Variants in TEX15 observed in about 807,000 individuals in gnomAD.
The protein encoded by TEX15 is testis-expressed protein 15.
In TEX15, 171 loss-of-function variants were observed where a neutral mutation model predicts 237.3. The ratio of observed to expected loss-of-function variants is 0.72; its 90% CI spans 0.64 to 0.82. The LOEUF (loss-of-function observed/expected upper bound fraction) is 0.82, where lower values mean the gene tolerates loss of function less well. Ranked by LOEUF, TEX15 falls within the 40% of genes least tolerant of loss-of-function variation. TEX15 has a pLI of 0.00. For synonymous variants in TEX15, 1,338 were observed against 1,269.8 expected (o/e 1.05, Z -1.14); for missense variants, 3,750 against 3,646.5 (o/e 1.03, Z -0.73).
intron 1 of TEX15, among the ~76,000 whole-genome samples, chr8:30,911,366 G>C (rs940647316): frequency 6.6e-6 from 1 of 152,116 alleles, no homozygotes; most frequent in South Asian, 2.1e-4. Flanking sequence ...TGCCCAGGCT[G>C]GTTTCGAACT....
At chr8:30,853,451 A>C (rs951445691) in intron 7 of TEX15, among the ~76,000 whole-genome samples, 8 of 152,228 alleles carry the variant, frequency 5.3e-5, no homozygotes, top group African/African-American at 1.9e-4. Context: ...AAAAATTAAA[A>C]TAAAAACACA....
At chr8:30,911,897 G>A (rs796906932) in intron 1 of TEX15, among the ~76,000 whole-genome samples, 9 of 152,256 alleles carry the variant, frequency 5.9e-5, no homozygotes, top group African/African-American at 2.2e-4. Flanking sequence ...TGAGGCAGGA[G>A]TCTCTTCCTG....
chr8:30,886,499 T>C (rs949888212), intron 3 of TEX15, among the ~76,000 whole-genome samples: 25 of 152,186 alleles, frequency 1.6e-4, no homozygotes, highest in African/African-American at 6.0e-4. Context: ...AGGGTAGATA[T>C]CAACTGACAT....
At chr8:30,854,353 GGAATACTATAA>G (rs1449750302) in intron 7 of TEX15, among the ~76,000 whole-genome samples, 5 of 148,262 alleles carry the variant, frequency 3.4e-5, no homozygotes, top group Non-Finnish European at 6.0e-5. Context: ...GACTATTAAA[GGAATACTATAA>G]GCAAATGTAT....
At chr8:30,853,238 A>C (rs1049698933) in intron 7 of TEX15, among the ~76,000 whole-genome samples, 3 of 152,224 alleles carry the variant, frequency 2.0e-5, no homozygotes, top group Non-Finnish European at 4.4e-5. Flanking sequence ...ACAACTAGGT[A>C]AAATCGTCAA....
intron 1 of TEX15, among the ~76,000 whole-genome samples, chr8:30,902,720 TAC>T (rs1430330180): frequency 6.6e-6 from 1 of 152,206 alleles, no homozygotes; most frequent in Non-Finnish European, 1.5e-5. Context: ...CTTATTAAAA[TAC>T]AGATTACTGG....
At chr8:30,885,138 G>C (rs1417556261) in intron 3 of TEX15, among the ~76,000 whole-genome samples, 2 of 151,774 alleles carry the variant, frequency 1.3e-5, no homozygotes, top group Non-Finnish European at 2.9e-5. Flanking sequence ...GCTATCTTTG[G>C]GTTACTTATA....
intron 5 of TEX15, among the ~76,000 whole-genome samples, chr8:30,865,810 CAT>C (rs1271884910): frequency 6.6e-6 from 1 of 152,098 alleles, no homozygotes; most frequent in Non-Finnish European, 1.5e-5. Flanking sequence ...CAATAAAACT[CAT>C]ATATGACAAA....
At position 30,847,325 on chromosome 8, in the gene TEX15, C is replaced by T; in HGVS notation, c.2842G>A (p.Ala948Thr). The change falls in exon 8 of 11, where the codon GCC becomes ACC. Residue 948 changes from alanine to threonine, a missense_variant. Ala to Thr is a moderately conservative substitution (Grantham distance 58, BLOSUM62 0). Transcript: ENST00000643185. ...LLESEEDTIS[A>T]VKQKDTENTG... Reference sequence around the variant, plus strand: ...TTTTCAGTATCTTTTTGTTTCACGGCACTAATGGTATCTTCTTCACTCTCT... The same window carrying T: ...TTTTCAGTATCTTTTTGTTTCACGGTACTAATGGTATCTTCTTCACTCTCT... 1 of 1,613,866 alleles carries T rather than the reference C, an allele frequency of 6.2e-7. No individual in the cohort carries two copies. The highest frequency in any genetic ancestry group is 2.2e-5 in the East Asian group (1 of 44,874).
chr8:30,869,416 G>A (rs1016768255), intron 4 of TEX15, among the ~76,000 whole-genome samples: 7 of 151,904 alleles, frequency 4.6e-5, no homozygotes, highest in Admixed American at 6.6e-5. Context: ...AACTCCCTCC[G>A]CTTGTAACAA....
chr8:30,859,926 T>G lies in TEX15; in HGVS notation c.672A>C (p.Gln224His). 1 of 1,494,588 alleles carries G rather than the reference T, an allele frequency of 6.7e-7. No individual in the cohort carries two copies. The highest frequency in any genetic ancestry group is 8.8e-7 in the Non-Finnish European group (1 of 1,132,418). 92.6% of individuals were successfully genotyped at this position (1,494,588 alleles called of 1,614,324 possible). A position where few individuals can be genotyped will look rare whatever the true frequency, so the allele number is the denominator to read the frequency against. Residue 224 changes from glutamine (Q) to histidine (H), a missense_variant, in exon 6 of 11, where the codon CAA becomes CAC. Gln to His is a conservative substitution (Grantham distance 24, BLOSUM62 0). Coordinates refer to ENST00000643185, the MANE Select transcript of TEX15 (RefSeq NM_001350162.2). ...APSLKDTIEL[Q>H]AYSSAVYFYE... ...ATTAACATACTGCTGAACTGTAGGC[T>G]TGCAGTTCAATGGTATCTTTCAAAG...
chr8:30,843,083 T>C lies in TEX15; in HGVS notation c.7084A>G (p.Asn2362Asp). The part of the protein sequence containing the change: ...ISIENSKFNS[N>D]LLAHPDICCI... ...CAAATATCTGGGTGTGCAAGCAAAT[T>C]ACTGTTAAATTTAGAATTTTCTATG... Residue 2362 changes from asparagine (N) to aspartate (D), a missense_variant, in exon 8 of 11, where the codon AAT becomes GAT. Physicochemically the swap from Asn to Asp is conservative, Grantham distance 23 (BLOSUM62 1). Transcript: ENST00000643185. 6.2e-7 allele frequency: 1 copy of C among 1,613,134 alleles called. No homozygotes were observed. The highest frequency in any genetic ancestry group is 8.5e-7 in the Non-Finnish European group (1 of 1,179,574).
At chr8:30,910,231 G>T (rs1809190554) in intron 1 of TEX15, among the ~76,000 whole-genome samples, 1 of 151,502 alleles carries the variant, frequency 6.6e-6, no homozygotes, top group Non-Finnish European at 1.5e-5. Context: ...GGGAGAAAAA[G>T]TGACCTTCGG....
Position 30,844,058 on chromosome 8 carries a change from T to C in TEX15, c.6109A>G (p.Lys2037Glu), listed in dbSNP as rs1390618194. Residue 2037 changes from lysine (K) to glutamate (E), a missense_variant, in exon 8 of 11, where the codon AAG becomes GAG. Lys to Glu is a moderately conservative substitution (Grantham distance 56). Coordinates refer to ENST00000643185, the MANE Select transcript of TEX15 (RefSeq NM_001350162.2). ...LPLFVEAFERKQECSVEQILI... is the reference protein window; with the variant it reads ...LPLFVEAFEREQECSVEQILI... ...ATTTGTTCAACTGAACATTCTTGCT[T>C]TCTTTCAAAAGCTTCCACAAATAAA... The C allele has an allele frequency of 1.9e-6, 3 of 1,611,918 alleles. No homozygotes were observed. The highest frequency in any genetic ancestry group is 2.5e-6 in the Non-Finnish European group (3 of 1,179,252).
chr8:30,852,570 A>T (rs1294716130), intron 7 of TEX15, among the ~76,000 whole-genome samples: 1 of 152,160 alleles, frequency 6.6e-6, no homozygotes, highest in Non-Finnish European at 1.5e-5. Flanking sequence ...CATTCTCATC[A>T]AATGACAATT....
chr8:30,908,984 A>G (rs755466146), intron 1 of TEX15, among the ~76,000 whole-genome samples: 11 of 152,130 alleles, frequency 7.2e-5, no homozygotes, highest in Non-Finnish European at 1.6e-4. Context: ...CACACCCTTA[A>G]AGTCTTGCTG....
chr8:30,848,400 T>TG lies in TEX15; in HGVS notation c.1766_1767insC (p.Leu589PhefsTer24). Reference sequence around the variant, plus strand: ...GGCAACCAGTCTGATAAATTGTTTTTAAATCAGAAGACTGCGAGTCCTGAA... The same window carrying TG: ...GGCAACCAGTCTGATAAATTGTTTTTGAAATCAGAAGACTGCGAGTCCTGAA... On this transcript the variant is annotated frameshift_variant, in exon 8 of 11. Transcript: ENST00000643185. LOFTEE classifies it high-confidence loss of function. The TG allele has an allele frequency of 6.2e-7, 1 of 1,614,156 alleles. No homozygotes were observed. Among genetic ancestry groups the TG allele is most frequent in the Non-Finnish European group, 8.5e-7 (1 of 1,180,008 alleles).
chr8:30,907,678 T>C (rs1300797811), intron 1 of TEX15, among the ~76,000 whole-genome samples: 1 of 134,610 alleles, frequency 7.4e-6, no homozygotes, highest in Non-Finnish European at 1.6e-5. Flanking sequence ...ATAAATTATA[T>C]ATAAAATTTT....
intron 7 of TEX15, among the ~76,000 whole-genome samples, chr8:30,851,079 G>A (rs1807773954): frequency 6.6e-6 from 1 of 152,082 alleles, no homozygotes; most frequent in Non-Finnish European, 1.5e-5. Flanking sequence ...TCATCGATAT[G>A]TTATATGTAA....
Sources: allele counts gnomAD v4.1 joint callset (sites outside exome capture counted in the v4.1 genomes callset), GRCh38; gene constraint gnomAD v4.1.1; transcripts MANE v1.5; gene names NCBI Gene and HGNC (gene_info 2026-07-23, HGNC 2026-07-21).